Variants in KLF16 observed in about 807,000 individuals in gnomAD.
KLF16 encodes the protein Krueppel-like factor 16.
A neutral mutation model predicts 6.1 loss-of-function variants in KLF16; 6 were observed. The ratio of observed to expected loss-of-function variants is 0.98; its 90% CI spans 0.54 to 1.93. The LOEUF (loss-of-function observed/expected upper bound fraction) is 1.93. Among genes scored for constraint, KLF16 ranks in the 30% most tolerant of loss-of-function variants. The pLI, the probability that KLF16 is intolerant of heterozygous loss-of-function variation, is 0.01. For synonymous variants in KLF16, 211 were observed against 176.5 expected (o/e 1.20, Z -1.55); for missense variants, 355 against 363.8 (o/e 0.98, Z 0.20).
upstream of KLF16, among the ~76,000 whole-genome samples, chr19:1,864,028 C>T (rs2012137185): frequency 6.8e-6 from 1 of 146,562 alleles, no homozygotes; most frequent in Non-Finnish European, 1.5e-5. Context: ...CTCCGGCACG[C>T]CCCTCCTTCC....
At position 1,854,598 on chromosome 19, in the gene KLF16, C is replaced by T; in HGVS notation, c.620G>A (p.Arg207His). ...TRSDHLAKHA[R>H]RHPGFHPDLL... ...GTCCGGGTGGAAGCCGGGGTGGCGG[C>T]GGGCGTGCTTGGCCAGGTGGTCACT... The change falls in exon 2 of 2, where the codon CGC (arginine) becomes CAC (histidine). Residue 207 changes from arginine to histidine, a missense_variant. Transcript: ENST00000250916. The T allele has an allele frequency of 6.3e-7, 1 of 1,593,200 alleles. No individual in the cohort carries two copies. Among genetic ancestry groups the T allele is most frequent in the Non-Finnish European group, 8.5e-7 (1 of 1,176,924 alleles).
chr19:1,867,782 G>T (rs2012210369), upstream of KLF16, among the ~76,000 whole-genome samples: 1 of 152,160 alleles, frequency 6.6e-6, no homozygotes. Flanking sequence ...CAGGAGAATT[G>T]CTTGAACTGG....
chr19:1,863,249 G>C lies in KLF16; in HGVS notation c.249C>G (p.Ile83Met). 1 of 1,049,916 alleles carries C rather than the reference G, an allele frequency of 9.5e-7. No individual in the cohort carries two copies. Among genetic ancestry groups the C allele is most frequent in the South Asian group, 4.4e-5 (1 of 22,538 alleles). 65.0% of individuals were successfully genotyped at this position (1,049,916 alleles called of 1,614,324 possible). A position where few individuals can be genotyped will look rare whatever the true frequency, so the allele number is the denominator to read the frequency against. Residue 83 changes from isoleucine (I) to methionine (M), a missense_variant, in exon 1 of 2, where the codon ATC (isoleucine) becomes ATG (methionine). Ile to Met is a conservative substitution (Grantham distance 10). Transcript: ENST00000250916. ...AAAPHLLAAS[I>M]LADLRGGPGA... ...CGGGTCCGCCGCGCAGGTCGGCCAG[G>C]ATGCTGGCGGCCAGCAGGTGGGGCG...
chr19:1,868,473 T>TA (rs2012222981), upstream of KLF16, among the ~76,000 whole-genome samples: 1 of 41,416 alleles, frequency 2.4e-5, no homozygotes, highest in Admixed American at 2.2e-4. Flanking sequence ...TTTTTTTTTT[T>TA]TTTTTTTTTT....
At chr19:1,855,621 G>T (rs530813718) in intron 1 of KLF16, among the ~76,000 whole-genome samples, 1 of 152,248 alleles carries the variant, frequency 6.6e-6, no homozygotes, top group African/African-American at 2.4e-5. Context: ...TGCGCCTCCA[G>T]GCGGTGTGGG....
the KLF16 span, among the ~76,000 whole-genome samples, chr19:1,872,909 C>T: frequency 2.6e-5 from 4 of 152,136 alleles, no homozygotes; most frequent in East Asian, 7.7e-4. Context: ...ACCAGTTGGG[C>T]GCCCACTGGA....
rs539773370 is a variant in KLF16, at chr19:1,859,374, T to C, written c.457+3667A>G. Among the ~76,000 whole-genome samples, 4 of 152,172 alleles carry C rather than the reference T, an allele frequency of 2.6e-5. No individual in the cohort carries two copies. In the East Asian group the frequency reaches 7.7e-4, roughly 29 times the overall value. Reference sequence around the variant, plus strand: ...AGGAGTCTCCCTCCAACCCAGTGCGTAGACCAGCACGCCTCGATCCCTCCC... The same window carrying C: ...AGGAGTCTCCCTCCAACCCAGTGCGCAGACCAGCACGCCTCGATCCCTCCC... On this transcript the variant is annotated intron_variant, in intron 1 of 1. Coordinates refer to ENST00000250916, the MANE Select transcript of KLF16 (RefSeq NM_031918.4).
chr19:1,863,642 GCCTGC>G, upstream of KLF16: 1 of 182,884 alleles, frequency 5.5e-6, no homozygotes, highest in Non-Finnish European at 9.9e-6. Flanking sequence ...CCCGCGCTCG[GCCTGC>G]CCCGCCCCGC....
chr19:1,870,787 G>A, the KLF16 span, among the ~76,000 whole-genome samples: 8 of 152,340 alleles, frequency 5.3e-5, no homozygotes, highest in African/African-American at 1.9e-4. Context: ...CCTGAGGTCA[G>A]GAGTTTCAGA....
chr19:1,871,838 A>G, the KLF16 span, among the ~76,000 whole-genome samples: 1 of 152,004 alleles, frequency 6.6e-6, no homozygotes, highest in African/African-American at 2.4e-5. Context: ...TCTGGGGTCC[A>G]CGGCATCCAT....
At chr19:1,867,943 T>TGC (rs1273147421), upstream of KLF16, among the ~76,000 whole-genome samples, 2 of 151,534 alleles carry the variant, frequency 1.3e-5, no homozygotes, top group African/African-American at 4.9e-5. Flanking sequence ...TGTGTGTGTG[T>TGC]GTGTGTGTGT....
intron 1 of KLF16, among the ~76,000 whole-genome samples, chr19:1,859,492 C>G (rs973529520): frequency 6.6e-6 from 1 of 152,114 alleles, no homozygotes; most frequent in East Asian, 1.9e-4. Flanking sequence ...GCCTCACTGC[C>G]GCCCCCAGCG....
intron 1 of KLF16, among the ~76,000 whole-genome samples, chr19:1,859,212 G>A (rs750862869): frequency 8.5e-5 from 13 of 152,092 alleles, no homozygotes; most frequent in East Asian, 1.9e-4. Flanking sequence ...GGGGGTGGAG[G>A]AGAGAATGAA....
chr19:1,861,313 A>G (rs896380033), intron 1 of KLF16, among the ~76,000 whole-genome samples: 1 of 152,168 alleles, frequency 6.6e-6, no homozygotes, highest in Non-Finnish European at 1.5e-5. Context: ...TGACCTGGGT[A>G]GACAGGTGGG....
the KLF16 span, among the ~76,000 whole-genome samples, chr19:1,868,933 G>C: frequency 6.6e-6 from 1 of 151,872 alleles, no homozygotes; most frequent in African/African-American, 2.4e-5. Flanking sequence ...GTGAGCCACC[G>C]CACCCGGCCG....
In KLF16 at chr19:1,857,801, G is replaced by A. The variant is rs2011985368; in HGVS notation, c.458-3041C>T. On this transcript the variant is annotated intron_variant, in intron 1 of 1. Transcript: ENST00000250916. The surrounding 1 kb of genome is among the most constrained non-coding windows in gnomAD (Gnocchi z 4.7). ...CAAAGCAAGCATCCCAGGAGAGCCA[G>A]GAAAGGCTGGGGCTGGGGAGGCCTC... is the stretch of plus-strand genomic sequence containing the variant. Among the ~76,000 whole-genome samples the A allele has an allele frequency of 6.6e-6, 1 of 152,134 alleles. No individual in the cohort carries two copies. Among genetic ancestry groups the A allele is most frequent in the South Asian group, 2.1e-4 (1 of 4,834 alleles).
At chr19:1,864,748 C>G (rs2145372371), upstream of KLF16, among the ~76,000 whole-genome samples, 1 of 152,226 alleles carries the variant, frequency 6.6e-6, no homozygotes, top group African/African-American at 2.4e-5. Context: ...TCCAGGCCAA[C>G]TTGTTAAATA....
chr19:1,868,212 G>T (rs2012218202), upstream of KLF16, among the ~76,000 whole-genome samples: 1 of 152,128 alleles, frequency 6.6e-6, no homozygotes, highest in Non-Finnish European at 1.5e-5. Context: ...CCCCTGCCCA[G>T]TGTGGGCTGG....
intron 1 of KLF16, among the ~76,000 whole-genome samples, chr19:1,855,385 G>A (rs915891003): frequency 6.8e-6 from 1 of 146,134 alleles, no homozygotes. Flanking sequence ...TCGGGGTGTG[G>A]TTAGATGGAA....
Sources: allele counts gnomAD v4.1 joint callset (sites outside exome capture counted in the v4.1 genomes callset), GRCh38; gene constraint gnomAD v4.1.1; non-coding constraint Gnocchi (gnomAD v3.1); transcripts MANE v1.5; gene names NCBI Gene and HGNC (gene_info 2026-07-23, HGNC 2026-07-21).